KANK1: variants seen among roughly 807,000 people sequenced by gnomAD.
KANK1 encodes the protein KN motif and ankyrin repeat domains 1.
A neutral mutation model predicts 106.2 loss-of-function variants in KANK1; 109 were observed. The observed-to-expected ratio is 1.03, with a 90% CI of 0.88 to 1.20. The LOEUF (loss-of-function observed/expected upper bound fraction) is 1.20, where lower values mean the gene tolerates loss of function less well. Ranked by LOEUF, KANK1 falls within the 50% of genes most tolerant of loss-of-function variation. KANK1 has a pLI of 0.00. For synonymous variants in KANK1, 873 were observed against 652.2 expected, an observed-to-expected ratio of 1.34 and a Z score of -5.16; for missense variants, 2,399 against 1,710.7, an observed-to-expected ratio of 1.40 and a Z score of -7.10.
intron 1 of KANK1, among the ~76,000 whole-genome samples, chr9:639,638 A>G: frequency 6.6e-6 from 1 of 152,212 alleles, no homozygotes; most frequent in East Asian, 1.9e-4. Flanking sequence ...GATTTACCAA[A>G]CAGTGCCACA....
intron 1 of KANK1, among the ~76,000 whole-genome samples, chr9:522,040 G>GA (rs2059577062): frequency 6.6e-6 from 1 of 151,650 alleles, no homozygotes; most frequent in South Asian, 2.1e-4. Context: ...CTTGGTATTA[G>GA]AAAATGTTGG....
chr9:670,184 G>T (rs1347064743), intron 1 of KANK1, among the ~76,000 whole-genome samples: 1 of 151,992 alleles, frequency 6.6e-6, no homozygotes, highest in Non-Finnish European at 1.5e-5. Flanking sequence ...TTGAATTCTT[G>T]GTCAGAGAGC....
At chr9:527,816 T>TAA (rs1159374900) in intron 1 of KANK1, among the ~76,000 whole-genome samples, 2 of 143,120 alleles carry the variant, frequency 1.4e-5, no homozygotes, top group Non-Finnish European at 3.1e-5. Context: ...AGCTTTTTAT[T>TAA]AAAAAAAAAA....
intron 3 of KANK1, among the ~76,000 whole-genome samples, chr9:475,911 G>A (rs192053846): frequency 5.3e-5 from 8 of 151,858 alleles, no homozygotes; most frequent in African/African-American, 1.4e-4. Flanking sequence ...GGAGTGTAGC[G>A]TCGCCATCTC....
At chr9:679,309 T>C (rs1476309568) in intron 2 of KANK1, among the ~76,000 whole-genome samples, 2 of 152,140 alleles carry the variant, frequency 1.3e-5, no homozygotes, top group Non-Finnish European at 2.9e-5. Flanking sequence ...CATACATATA[T>C]GTGTGTATGT....
intron 1 of KANK1, among the ~76,000 whole-genome samples, chr9:561,193 GGATTGGAATTTATGGGTA>G (rs1816331187): frequency 6.6e-6 from 1 of 152,110 alleles, no homozygotes; most frequent in African/African-American, 2.4e-5. Context: ...CAGGGGGGCA[GGATTGGAATTTATGGGTA>G]GACATAAGAA....
intron 1 of KANK1, among the ~76,000 whole-genome samples, chr9:665,982 C>G (rs1011975533): frequency 2.6e-5 from 4 of 152,036 alleles, no homozygotes; most frequent in African/African-American, 9.7e-5. Context: ...GAGTTTGAGG[C>G]CAGCCTGGGC....
chr9:580,862 C>T (rs112526573), intron 1 of KANK1, among the ~76,000 whole-genome samples: 2,101 of 152,280 alleles, frequency 0.014, 36 homozygotes, highest in African/African-American at 0.044. Flanking sequence ...CTGGAGCCCA[C>T]GGCATCTGGG....
chr9:502,595 C>T (rs1434906072), upstream of KANK1, among the ~76,000 whole-genome samples: 2 of 151,412 alleles, frequency 1.3e-5, no homozygotes, highest in Admixed American at 1.3e-4. Context: ...ATGATCTCGG[C>T]TCACTGCAAC....
chr9:564,179 C>T (rs1043034578), intron 1 of KANK1, among the ~76,000 whole-genome samples: 2 of 151,946 alleles, frequency 1.3e-5, no homozygotes, highest in Non-Finnish European at 2.9e-5. Context: ...CCTGCCTCAG[C>T]CTCCTCAGTA....
intron 1 of KANK1, among the ~76,000 whole-genome samples, chr9:575,632 C>G (rs1297165464): frequency 6.6e-6 from 1 of 152,040 alleles, no homozygotes; most frequent in Non-Finnish European, 1.5e-5. Flanking sequence ...GATCATGTCA[C>G]TGCACTCCAG....
chr9:645,986 A>T (rs1839589949), intron 1 of KANK1, among the ~76,000 whole-genome samples: 1 of 150,948 alleles, frequency 6.6e-6, no homozygotes, highest in Non-Finnish European at 1.5e-5. Context: ...ATTTGACTGG[A>T]TGATGCGTAG....
chr9:698,513 G>C lies in KANK1; in HGVS notation c.38-12291G>C, dbSNP rs146121654. ...TTTTTAATAGCAGAATGAGGTAACA[G>C]AGCCCTAGAAGACAAGCCCAGAGAC... On this transcript the variant is annotated intron_variant, in intron 2 of 11. Transcript: ENST00000382297. Among the ~76,000 whole-genome samples the C allele has an allele frequency of 1.6e-4, 24 of 152,224 alleles. No homozygotes were observed. In the East Asian group the frequency reaches 4.6e-3, roughly 29 times the overall value.
intron 1 of KANK1, among the ~76,000 whole-genome samples, chr9:511,746 T>C (rs1010050927): frequency 5.9e-5 from 9 of 152,218 alleles, no homozygotes; most frequent in Non-Finnish European, 8.8e-5. Context: ...ACAAAACTCA[T>C]CATTCTTGTC....
intron 1 of KANK1, among the ~76,000 whole-genome samples, chr9:535,505 C>A (rs2133676846): frequency 6.6e-6 from 1 of 152,306 alleles, no homozygotes; most frequent in South Asian, 2.1e-4. Context: ...GTACTATGAT[C>A]ATCTCCAAGT....
intron 1 of KANK1, chr9:547,308 C>A (rs895799180): frequency 1.3e-5 from 2 of 152,182 alleles, no homozygotes; most frequent in African/African-American, 4.8e-5. Flanking sequence ...TGGGGAAGGA[C>A]TTGAATTCAC....
chr9:603,881 C>T (rs1195444997), intron 1 of KANK1, among the ~76,000 whole-genome samples: 2 of 150,438 alleles, frequency 1.3e-5, no homozygotes, highest in Admixed American at 1.3e-4. Flanking sequence ...ATCACTTGAA[C>T]CCGGGAGGCA....
intron 1 of KANK1, among the ~76,000 whole-genome samples, chr9:594,627 G>A (rs1397233248): frequency 6.6e-6 from 1 of 151,732 alleles, no homozygotes; most frequent in Non-Finnish European, 1.5e-5. Context: ...AATGTCTTAA[G>A]ATACAATGAA....
intron 1 of KANK1, among the ~76,000 whole-genome samples, chr9:652,527 A>G (rs4463482): frequency 0.18 from 27,605 of 152,106 alleles, 2,753 homozygotes; most frequent in East Asian, 0.32. Flanking sequence ...GTGTCTCAAA[A>G]GTAAAATAAA....
Sources: allele counts gnomAD v4.1 joint callset (sites outside exome capture counted in the v4.1 genomes callset), GRCh38; gene constraint gnomAD v4.1.1; transcripts MANE v1.5; gene names NCBI Gene and HGNC (gene_info 2026-07-23, HGNC 2026-07-21).